Variants in SARM1 observed in about 807,000 individuals in gnomAD.
The protein encoded by SARM1 is sterile alpha and TIR motif containing 1.
In SARM1, 60 loss-of-function variants were observed where a neutral mutation model predicts 65.1. The ratio of observed to expected loss-of-function variants is 0.92; its 90% CI spans 0.75 to 1.14. SARM1 has a LOEUF of 1.14. Among genes scored for constraint, SARM1 ranks in the 50% most tolerant of loss-of-function variants. SARM1 has a pLI of 0.00. For missense variants in SARM1, 913 were observed against 1,015.7 expected, an observed-to-expected ratio of 0.90 and a Z score of 1.37; for synonymous variants, 417 against 465.4, an observed-to-expected ratio of 0.90 and a Z score of 1.34.
At chr17:28,387,748 G>A (rs962431560) in intron 5 of SARM1, among the ~76,000 whole-genome samples, 1 of 152,246 alleles carries the variant, frequency 6.6e-6, no homozygotes, top group East Asian at 1.9e-4. Context: ...CTGGCACACA[G>A]CAAGTGCTTA....
Position 28,385,597 on chromosome 17 carries a change from G to T in SARM1, c.1630+322G>T. On this transcript the variant is annotated intron_variant, in intron 5 of 8. Transcript: ENST00000585482. This position sits in a 1 kb window ranked among gnomAD's most constrained non-coding sequence, Gnocchi z 4.5. ...TCCACCCAGGTCTAGATTTCAGAGAGGACAGGATGCCTGACCATGTCTTGA... is the reference window on the plus strand; with the variant it reads ...TCCACCCAGGTCTAGATTTCAGAGATGACAGGATGCCTGACCATGTCTTGA... 1 of 413,736 alleles carries T rather than the reference G, an allele frequency of 2.4e-6. No individual in the cohort carries two copies. The highest frequency in any genetic ancestry group is 4.4e-6 in the Non-Finnish European group (1 of 229,860). The allele number at this position is 413,736 out of a possible 1,614,324, so 25.6% of individuals were successfully genotyped here.
chr17:28,391,525 C>T (rs1555586858), intron 7 of SARM1, among the ~76,000 whole-genome samples: 2 of 151,980 alleles, frequency 1.3e-5, no homozygotes, highest in African/African-American at 4.8e-5. Flanking sequence ...GGGAGGGGCA[C>T]TGGGGCAGTT....
chr17:28,397,616 G>A lies in SARM1; in HGVS notation c.*1330G>A, dbSNP rs1452465080. The A allele has an allele frequency of 6.6e-6, 1 of 152,240 alleles. No individual in the cohort carries two copies. The highest frequency in any genetic ancestry group is 1.5e-5 in the Non-Finnish European group (1 of 68,052). 9.4% of individuals were successfully genotyped at this position (152,240 alleles called of 1,614,324 possible). A position where few individuals can be genotyped will look rare whatever the true frequency, so the allele number is the denominator to read the frequency against. On this transcript the variant is annotated 3_prime_UTR_variant, in exon 9 of 9. Coordinates refer to ENST00000585482, the MANE Select transcript of SARM1 (RefSeq NM_015077.4). ...ACTGGCAGTGGAATTGCTTTCCTGA[G>A]AATCATTCTGAGGCTGGGCTATTGC...
intron 7 of SARM1, among the ~76,000 whole-genome samples, chr17:28,390,242 A>G (rs979736773): frequency 1.3e-5 from 2 of 152,218 alleles, no homozygotes; most frequent in Non-Finnish European, 2.9e-5. Flanking sequence ...TGGGATCAAT[A>G]GAAAGGGAAT....
Position 28,384,188 on chromosome 17 carries a change from C to A in SARM1, c.1090-169C>A, listed in dbSNP as rs150349375. The stretch of plus-strand genomic sequence containing the variant: ...AGGACCTGGTCAAGAATTGAGAGAA[C>A]TTCAGGAGGGGGAATCCGCAGGACC... On this transcript the variant is annotated intron_variant, in intron 2 of 8. Transcript: ENST00000585482. This position sits in a 1 kb window ranked among gnomAD's most constrained non-coding sequence, Gnocchi z 4.4. 6.6e-6 allele frequency among the ~76,000 whole-genome samples: 1 copy of A among 152,300 alleles called. No homozygotes were observed. The highest frequency in any genetic ancestry group is 2.4e-5 in the African/African-American group (1 of 41,550).
chr17:28,381,628 T>G lies in SARM1; in HGVS notation c.896T>G (p.Leu299Arg). ...RSGTLALVEPLVASLDPGRFA... is the reference protein window; with the variant it reads ...RSGTLALVEPRVASLDPGRFA... ...GGCACGCTGGCGCTCGTGGAGCCGC[T>G]TGTGGCCTCGCTGGACCCTGGCCGC... Residue 299 changes from leucine (L) to arginine (R), a missense_variant, in exon 2 of 9, where the codon CTT becomes CGT. By Grantham distance (102) the Leu-to-Arg change is moderately radical. Around this residue, in one of 3 missense-constraint regions of SARM1, gnomAD observed 862 missense variants for 952.1 expected, o/e 0.91. Coordinates refer to ENST00000585482, the MANE Select transcript of SARM1 (RefSeq NM_015077.4). 6.4e-7 allele frequency: 1 copy of G among 1,569,546 alleles called. No individual in the cohort carries two copies. Among genetic ancestry groups the G allele is most frequent in the Non-Finnish European group, 8.6e-7 (1 of 1,158,698 alleles).
chr17:28,385,434 T>C lies in SARM1; in HGVS notation c.1630+159T>C. The C allele has an allele frequency of 1.6e-6, 1 of 620,550 alleles. No individual in the cohort carries two copies. The highest frequency in any genetic ancestry group is 2.7e-6 in the Non-Finnish European group (1 of 364,610). 38.4% of individuals were successfully genotyped at this position (620,550 alleles called of 1,614,324 possible). ...CTCTGAGGATGTAAAGATGAATACG[T>C]TGCACTTTACCTCAAGAAGTTCCCA... On this transcript the variant is annotated intron_variant, in intron 5 of 8. Coordinates refer to ENST00000585482, the MANE Select transcript of SARM1 (RefSeq NM_015077.4). The surrounding 1 kb of genome is among the most constrained non-coding windows in gnomAD (Gnocchi z 4.5).
intron 7 of SARM1, among the ~76,000 whole-genome samples, chr17:28,389,972 G>A (rs117173644): frequency 0.011 from 1,739 of 152,282 alleles, 16 homozygotes; most frequent in Non-Finnish European, 0.017. Context: ...GCATCAAGGT[G>A]TCAACGAAAA....
At chr17:28,381,842 G>T in intron 2 of SARM1, 21 bp downstream of exon 2, 1 of 1,422,990 alleles carries the variant, frequency 7.0e-7, no homozygotes, top group South Asian at 1.5e-5. Flanking sequence ...ATGTGGGGTT[G>T]GGTGGATCAG....
chr17:28,383,266 C>T (rs1567807461), intron 2 of SARM1, among the ~76,000 whole-genome samples: 2 of 152,074 alleles, frequency 1.3e-5, no homozygotes, highest in African/African-American at 2.4e-5. Context: ...CCCAGCTACT[C>T]GGGAGGCTGA....
intron 1 of SARM1, among the ~76,000 whole-genome samples, chr17:28,374,985 A>C (rs1475586510): frequency 1.3e-5 from 2 of 151,680 alleles, no homozygotes; most frequent in African/African-American, 2.4e-5. Flanking sequence ...AAAAAAAAAA[A>C]AAAAAAAAAA....
chr17:28,384,320 G>A lies in SARM1; in HGVS notation c.1090-37G>A, dbSNP rs904024630. 3 of 1,503,216 alleles carry A rather than the reference G, an allele frequency of 2.0e-6. No homozygotes were observed. The highest frequency in any genetic ancestry group is 2.1e-5 in the Admixed American group (1 of 47,018). The allele number at this position is 1,503,216 out of a possible 1,614,324, so 93.1% of individuals were successfully genotyped here. A position where few individuals can be genotyped will look rare whatever the true frequency, so the allele number is the denominator to read the frequency against. Reference sequence around the variant, plus strand: ...CACGTGTGGGAGCACCTGGAGAGCTGGTGGGACCTACAGCCCTCTCCCCAC... The same window carrying A: ...CACGTGTGGGAGCACCTGGAGAGCTAGTGGGACCTACAGCCCTCTCCCCAC... On this transcript the variant is annotated intron_variant, in intron 2 of 8. Transcript: ENST00000585482. This position sits in a 1 kb window ranked among gnomAD's most constrained non-coding sequence, Gnocchi z 4.4.
chr17:28,381,596 G>C lies in SARM1; in HGVS notation c.864G>C (p.Glu288Asp). The change falls in exon 2 of 9, where the codon GAG becomes GAC. Residue 288 changes from glutamate (E) to aspartate (D), a missense_variant. Glu to Asp is a conservative substitution (Grantham distance 45). This residue lies in a region of SARM1 where 862 missense variants were observed against 952.1 expected (regional missense o/e 0.91). Coordinates refer to ENST00000585482, the MANE Select transcript of SARM1 (RefSeq NM_015077.4). Reference sequence around the variant, plus strand: ...ACAAGGAGGTGGAGCGCGAGGTGGAGCGCTCGGGCACGCTGGCGCTCGTGG... The same window carrying C: ...ACAAGGAGGTGGAGCGCGAGGTGGACCGCTCGGGCACGCTGGCGCTCGTGG... Reference protein sequence around the residue: ...ATNKEVEREVERSGTLALVEP... With the variant: ...ATNKEVEREVDRSGTLALVEP... 6.3e-7 allele frequency: 1 copy of C among 1,588,736 alleles called. No homozygotes were observed. Among genetic ancestry groups the C allele is most frequent in the Non-Finnish European group, 8.6e-7 (1 of 1,168,730 alleles).
Position 28,384,850 on chromosome 17 carries a change from G to A in SARM1, c.1314G>A (p.Val438=). ...KYCESFREQQ[V]DGDLLLRLTE... ...GACTCCTCCCCCAGGAGCAGCAGGTGGATGGCGACCTGCTTCTGCGGCTCA... is the reference window on the plus strand; with the variant it reads ...GACTCCTCCCCCAGGAGCAGCAGGTAGATGGCGACCTGCTTCTGCGGCTCA... Residue 438 remains valine (V), a synonymous_variant, in exon 4 of 9, where the codon GTG becomes GTA. Coordinates refer to ENST00000585482, the MANE Select transcript of SARM1 (RefSeq NM_015077.4). The surrounding 1 kb of genome is among the most constrained non-coding windows in gnomAD (Gnocchi z 4.4). The A allele has an allele frequency of 6.4e-7, 1 of 1,553,972 alleles. No individual in the cohort carries two copies. The highest frequency in any genetic ancestry group is 8.7e-7 in the Non-Finnish European group (1 of 1,148,312).
intron 1 of SARM1, among the ~76,000 whole-genome samples, chr17:28,378,473 ATCTT>A: frequency 6.6e-6 from 1 of 152,324 alleles, no homozygotes; most frequent in Non-Finnish European, 1.5e-5. Context: ...TCTAATGTGT[ATCTT>A]TCTATCTGTG....
chr17:28,402,673 C>G lies in SARM1; in HGVS notation c.*6387C>G, dbSNP rs1379239031. 9.8e-6 allele frequency: 2 copies of G among 205,022 alleles called. No individual in the cohort carries two copies. Among genetic ancestry groups the G allele is most frequent in the African/African-American group, 4.6e-5 (2 of 43,904 alleles). 12.7% of individuals were successfully genotyped at this position (205,022 alleles called of 1,614,324 possible). ...TTGGAGTCAGCCCTGAGTTCAAAAC[C>G]TGATGCCATTACATATTATCTGTGT... On this transcript the variant is annotated 3_prime_UTR_variant, in exon 9 of 9. Coordinates refer to ENST00000585482, the MANE Select transcript of SARM1 (RefSeq NM_015077.4).
At position 28,388,490 on chromosome 17, in the gene SARM1, C is replaced by T; in HGVS notation, c.1874C>T (p.Ala625Val). The T allele has an allele frequency of 6.2e-7, 1 of 1,613,926 alleles. No homozygotes were observed. Among genetic ancestry groups the T allele is most frequent in the Non-Finnish European group, 8.5e-7 (1 of 1,179,896 alleles). The change falls in exon 7 of 9, where the codon GCA becomes GTA. Residue 625 changes from alanine (A) to valine (V), a missense_variant. Physicochemically the swap from Ala to Val is moderately conservative, Grantham distance 64. Coordinates refer to ENST00000585482, the MANE Select transcript of SARM1 (RefSeq NM_015077.4). Reference sequence around the variant, plus strand: ...TTTGTGTTGGTGCTATCACCTGGAGCACTGGACAAGTGCATGCAAGACCAT... The same window carrying T: ...TTTGTGTTGGTGCTATCACCTGGAGTACTGGACAAGTGCATGCAAGACCAT... The part of the protein sequence containing the change: ...RNFVLVLSPG[A>V]LDKCMQDHDC...
chr17:28,400,698 A>G lies in SARM1; in HGVS notation c.*4412A>G. 6.2e-7 allele frequency: 1 copy of G among 1,611,560 alleles called. No homozygotes were observed. The highest frequency in any genetic ancestry group is 8.5e-7 in the Non-Finnish European group (1 of 1,179,064). On this transcript the variant is annotated 3_prime_UTR_variant, in exon 9 of 9. Coordinates refer to ENST00000585482, the MANE Select transcript of SARM1 (RefSeq NM_015077.4). ...AAGTTCAGAGTGGCTGGGTAGAGTG[A>G]GTTGAAGATGCCGGAGGCCGTCAGC...
At chr17:28,374,425 T>C (rs1375811270) in intron 1 of SARM1, 1 of 152,118 alleles carries the variant, frequency 6.6e-6, no homozygotes, top group Non-Finnish European at 1.5e-5. Flanking sequence ...TAACCCCAGC[T>C]ACTCTGGAGG....
Sources: allele counts gnomAD v4.1 joint callset (sites outside exome capture counted in the v4.1 genomes callset), GRCh38; gene constraint gnomAD v4.1.1; regional missense constraint gnomAD v4.1.1; non-coding constraint Gnocchi (gnomAD v3.1); transcripts MANE v1.5; gene names NCBI Gene and HGNC (gene_info 2026-07-23, HGNC 2026-07-21).